Variants in KCNK10 observed in about 807,000 individuals in gnomAD.
KCNK10 encodes potassium two pore domain channel subfamily K member 10, also known as potassium channel subfamily K member 10.
In KCNK10, 25 loss-of-function variants were observed where a neutral mutation model predicts 47.7. The ratio of observed to expected loss-of-function variants is 0.52; its 90% confidence interval spans 0.38 to 0.73. The LOEUF is 0.73. KCNK10 is among the 30% of genes least tolerant of loss of function. The pLI is 0.00. For missense variants in KCNK10, 563 were observed against 714.5 expected (o/e 0.79, Z 2.42); for synonymous variants, 303 against 285.6 (o/e 1.06, Z -0.61).
intron 4 of KCNK10, among the ~76,000 whole-genome samples, chr14:88,213,756 C>A (rs12883047): frequency 0.4 from 60,662 of 151,426 alleles, 13,267 homozygotes; most frequent in African/African-American, 0.57. Context: ...GAAAACCAGC[C>A]AAATCTGAAA....
Position 88,184,157 on chromosome 14 carries a change from C to T in KCNK10, c.*1378G>A, listed in dbSNP as rs1884462506. On this transcript the variant is annotated 3_prime_UTR_variant, in exon 7 of 7. Coordinates refer to ENST00000319231, the MANE Select transcript of KCNK10 (RefSeq NM_138317.3). ...TGACTAGCCATTCCCCGACTTTCCT[C>T]TGCGGGATGTTCTAGCCTCACAGAC... 6.6e-6 allele frequency: 1 copy of T among 152,344 alleles called. No homozygotes were observed. Among genetic ancestry groups the T allele is most frequent in the South Asian group, 2.1e-4 (1 of 4,832 alleles). The allele number at this position is 152,344 out of a possible 1,614,324, so 9.4% of individuals were successfully genotyped here.
Position 88,185,322 on chromosome 14 carries a change from G to A in KCNK10, c.*213C>T. 1 of 664,110 alleles carries A rather than the reference G, an allele frequency of 1.5e-6. No individual in the cohort carries two copies. Among genetic ancestry groups the A allele is most frequent in the Non-Finnish European group, 2.4e-6 (1 of 409,128 alleles). The allele number at this position is 664,110 out of a possible 1,614,324, so 41.1% of individuals were successfully genotyped here. ...CTACGTGCACGGACACTCTTGGTGT[G>A]TCCTGCGTTTGCTATCTGAAATGAA... is the stretch of plus-strand genomic sequence containing the variant. On this transcript the variant is annotated 3_prime_UTR_variant, in exon 7 of 7. Transcript: ENST00000319231. The surrounding 1 kb of genome is among the most constrained non-coding windows in gnomAD (Gnocchi z 4.3).
chr14:88,319,353 C>T (rs771823933), intron 1 of KCNK10, among the ~76,000 whole-genome samples: 4 of 152,304 alleles, frequency 2.6e-5, no homozygotes, highest in Admixed American at 1.3e-4. Flanking sequence ...AGAGCACCTC[C>T]GCCTGAAGGG....
intron 1 of KCNK10, among the ~76,000 whole-genome samples, chr14:88,271,698 G>A (rs1039745675): frequency 6.6e-6 from 1 of 152,116 alleles, no homozygotes; most frequent in African/African-American, 2.4e-5. Context: ...AATTTACCCT[G>A]AGTCTGCCTT....
At chr14:88,202,075 T>A (rs1385027334) in intron 4 of KCNK10, among the ~76,000 whole-genome samples, 1 of 152,236 alleles carries the variant, frequency 6.6e-6, no homozygotes, top group Non-Finnish European at 1.5e-5. Flanking sequence ...GAACAGTTCT[T>A]CTCAGAGGAC....
At chr14:88,271,310 G>A (rs414300) in intron 1 of KCNK10, among the ~76,000 whole-genome samples, 152,325 of 152,326 alleles carry the variant, frequency 1, 76,162 homozygotes, top group Non-Finnish European at 1. Context: ...AGCATTTATG[G>A]TATCAAGTTC....
chr14:88,258,022 A>T (rs1004185047), intron 2 of KCNK10, among the ~76,000 whole-genome samples: 7 of 151,922 alleles, frequency 4.6e-5, no homozygotes, highest in African/African-American at 1.7e-4. Context: ...GACATTGCCA[A>T]ATGCCCCCTA....
chr14:88,292,589 G>A (rs1199958723), intron 1 of KCNK10, among the ~76,000 whole-genome samples: 1 of 152,076 alleles, frequency 6.6e-6, no homozygotes. Flanking sequence ...GACCTGAGGT[G>A]ATGTACCCAC....
chr14:88,183,056 A>G lies in KCNK10; in HGVS notation c.*2479T>C, dbSNP rs773450011. ...TGAAGCTAGAAAGACACACATACAC[A>G]CAAACACACACAATCACAAGGATGC... On this transcript the variant is annotated 3_prime_UTR_variant, in exon 7 of 7. Transcript: ENST00000319231. The G allele has an allele frequency of 5.9e-5, 9 of 152,356 alleles. No individual in the cohort carries two copies. The highest frequency in any genetic ancestry group is 1.3e-4 in the Non-Finnish European group (9 of 68,040). 9.4% of individuals were successfully genotyped at this position (152,356 alleles called of 1,614,324 possible). A position where few individuals can be genotyped will look rare whatever the true frequency, so the allele number is the denominator to read the frequency against.
chr14:88,229,353 C>T (rs1886087239), intron 3 of KCNK10, among the ~76,000 whole-genome samples: 1 of 152,090 alleles, frequency 6.6e-6, no homozygotes, highest in African/African-American at 2.4e-5. Context: ...TCAAATTCCA[C>T]CTCACACTAC....
intron 1 of KCNK10, among the ~76,000 whole-genome samples, chr14:88,317,008 G>T (rs767004940): frequency 7.9e-5 from 12 of 152,148 alleles, no homozygotes; most frequent in Non-Finnish European, 1.8e-4. Flanking sequence ...AAGTCAACCT[G>T]CTCAGTCTTA....
intron 1 of KCNK10, among the ~76,000 whole-genome samples, chr14:88,283,481 G>A (rs780952840): frequency 1.3e-5 from 2 of 152,178 alleles, no homozygotes; most frequent in Non-Finnish European, 2.9e-5. Flanking sequence ...CAGCTTACAG[G>A]CCAAATCTTT....
At chr14:88,275,340 T>G (rs960216172) in intron 1 of KCNK10, among the ~76,000 whole-genome samples, 1 of 152,112 alleles carries the variant, frequency 6.6e-6, no homozygotes, top group African/African-American at 2.4e-5. Flanking sequence ...TGGGTCCTGT[T>G]TCCCTCCTAA....
intron 4 of KCNK10, among the ~76,000 whole-genome samples, chr14:88,216,008 A>G (rs1885606961): frequency 6.6e-6 from 1 of 152,222 alleles, no homozygotes; most frequent in Non-Finnish European, 1.5e-5. Context: ...CATACATTAG[A>G]TAAGTCCCTA....
chr14:88,183,410 A>G lies in KCNK10; in HGVS notation c.*2125T>C, dbSNP rs379643. On this transcript the variant is annotated 3_prime_UTR_variant, in exon 7 of 7. Transcript: ENST00000319231. ...TACCAGATAACACAGAGTGGAAACC[A>G]AATAAGTGAGATCCATGGACAGTTT... 47,880 of 152,320 alleles carry G rather than the reference A, an allele frequency of 0.31. 7,985 individuals are homozygous for G. Among genetic ancestry groups the G allele is most frequent in the East Asian group, 0.56 (2,971 of 5,296 alleles). The allele number at this position is 152,320 out of a possible 1,614,324, so 9.4% of individuals were successfully genotyped here. A position where few individuals can be genotyped will look rare whatever the true frequency, so the allele number is the denominator to read the frequency against.
At chr14:88,231,194 C>G (rs909139531) in intron 3 of KCNK10, among the ~76,000 whole-genome samples, 1 of 152,086 alleles carries the variant, frequency 6.6e-6, no homozygotes, top group African/African-American at 2.4e-5. Context: ...GCGCGAGGAC[C>G]ATTTGAGCTA....
rs1039767531 is a variant in KCNK10, at chr14:88,185,512, T to C, written c.*23A>G. 1 of 1,605,438 alleles carries C rather than the reference T, an allele frequency of 6.2e-7. No individual in the cohort carries two copies. The highest frequency in any genetic ancestry group is 1.7e-5 in the Admixed American group (1 of 59,652). ...ACACACACACACACACAACGCTCAGTCCAAGACCAATGTCCTTCACATTTA... is the reference window on the plus strand; with the variant it reads ...ACACACACACACACACAACGCTCAGCCCAAGACCAATGTCCTTCACATTTA... On this transcript the variant is annotated 3_prime_UTR_variant, in exon 7 of 7. Coordinates refer to ENST00000319231, the MANE Select transcript of KCNK10 (RefSeq NM_138317.3). The surrounding 1 kb of genome is among the most constrained non-coding windows in gnomAD (Gnocchi z 4.3).
At chr14:88,301,551 C>T (rs1031258148) in intron 1 of KCNK10, among the ~76,000 whole-genome samples, 6 of 149,304 alleles carry the variant, frequency 4.0e-5, no homozygotes, top group East Asian at 4.0e-4. Flanking sequence ...CAGGAGTGGG[C>T]GGTTAGAGAA....
intron 2 of KCNK10, among the ~76,000 whole-genome samples, chr14:88,259,544 C>G (rs183454378): frequency 2.8e-4 from 42 of 152,312 alleles, no homozygotes; most frequent in Admixed American, 1.6e-3. Flanking sequence ...GCAGCCTTGA[C>G]TTCCCGGGCT....
Sources: allele counts gnomAD v4.1 joint callset (sites outside exome capture counted in the v4.1 genomes callset), GRCh38; gene constraint gnomAD v4.1.1; non-coding constraint Gnocchi (gnomAD v3.1); transcripts MANE v1.5; gene names NCBI Gene and HGNC (gene_info 2026-07-23, HGNC 2026-07-21).